The following SMCHD1 variants were observed in gnomAD, a reference collection of about 807,000 sequenced individuals.
SMCHD1 encodes structural maintenance of chromosomes flexible hinge domain containing 1, also known as structural maintenance of chromosomes flexible hinge domain-containing protein 1.
Under a neutral mutation model 254.7 loss-of-function variants are expected in SMCHD1, and 78 were observed. The ratio of observed to expected loss-of-function variants is 0.31; its 90% CI spans 0.26 to 0.37. The LOEUF is 0.37. SMCHD1 is among the 10% of genes least tolerant of loss of function. The pLI is 1.00. For synonymous variants in SMCHD1, 766 were observed against 794.9 expected (o/e 0.96, Z 0.61); for missense variants, 1,840 against 2,408.1 (o/e 0.76, Z 4.94).
intron 5 of SMCHD1, among the ~76,000 whole-genome samples, chr18:2,684,709 G>GTT (rs2074001842): frequency 6.7e-6 from 1 of 149,874 alleles, no homozygotes; most frequent in African/African-American, 2.4e-5. Context: ...CAGTGTGTGT[G>GTT]TGTGTGTGTG....
chr18:2,764,961 A>T (rs2075842944), intron 37 of SMCHD1, among the ~76,000 whole-genome samples: 1 of 152,182 alleles, frequency 6.6e-6, no homozygotes, highest in Non-Finnish European at 1.5e-5. Context: ...TCTTCAGTTT[A>T]TATTCCTGCC....
chr18:2,713,264 T>A (rs2074721000), intron 17 of SMCHD1, among the ~76,000 whole-genome samples: 1 of 152,214 alleles, frequency 6.6e-6, no homozygotes, highest in South Asian at 2.1e-4. Context: ...GGTAATTAAT[T>A]AATATTTGTT....
chr18:2,727,687 C>T (rs942927583), intron 22 of SMCHD1, among the ~76,000 whole-genome samples: 7 of 151,840 alleles, frequency 4.6e-5, no homozygotes, highest in African/African-American at 1.7e-4. Flanking sequence ...GTTTCCTTAC[C>T]TGTAAAATGG....
At chr18:2,676,987 C>T (rs1426093950) in intron 5 of SMCHD1, among the ~76,000 whole-genome samples, 4 of 152,056 alleles carry the variant, frequency 2.6e-5, no homozygotes, top group African/African-American at 4.8e-5. Context: ...TTGTCATGTT[C>T]GATCTCCTTC....
intron 39 of SMCHD1, among the ~76,000 whole-genome samples, chr18:2,770,914 A>C (rs531399666): frequency 1.3e-5 from 2 of 152,064 alleles, no homozygotes; most frequent in Non-Finnish European, 2.9e-5. Flanking sequence ...TAGCCACCAC[A>C]CCCAGCCTAC....
Position 2,667,173 on chromosome 18 carries a change from A to G in SMCHD1, c.424+142A>G, listed in dbSNP as rs543715571. 50 of 674,318 alleles carry G rather than the reference A, an allele frequency of 7.4e-5. No individual in the cohort carries two copies. The African/African-American group carries it at 8.9e-4, about 12-fold the overall frequency. 41.8% of individuals were successfully genotyped at this position (674,318 alleles called of 1,614,324 possible). A position where few individuals can be genotyped will look rare whatever the true frequency, so the allele number is the denominator to read the frequency against. On this transcript the variant is annotated intron_variant, in intron 3 of 47. Coordinates refer to ENST00000320876, the MANE Select transcript of SMCHD1 (RefSeq NM_015295.3). ...CTCATTTTCTTTCTTACTCAAATTCATCACGGTATTATTATGTCTTCTACC... is the reference window on the plus strand; with the variant it reads ...CTCATTTTCTTTCTTACTCAAATTCGTCACGGTATTATTATGTCTTCTACC...
intron 7 of SMCHD1, among the ~76,000 whole-genome samples, chr18:2,690,506 C>G (rs562280617): frequency 2.0e-5 from 3 of 152,060 alleles, no homozygotes; most frequent in Non-Finnish European, 4.4e-5. Context: ...GAGTCTCACT[C>G]TCTTGCCCAG....
chr18:2,796,056 C>A lies in SMCHD1; in HGVS notation c.5827C>A (p.Gln1943Lys). 1 of 1,581,732 alleles carries A rather than the reference C, an allele frequency of 6.3e-7. No homozygotes were observed. Among genetic ancestry groups the A allele is most frequent in the African/African-American group, 1.3e-5 (1 of 74,422 alleles). ...LRTPDMRKKK[Q>K]ELDEHEKNLK... Reference sequence around the variant, plus strand: ...CACTCCGGATATGAGGAAGAAAAAGCAAGAACTTGATGAACATGAGAAAAA... The same window carrying A: ...CACTCCGGATATGAGGAAGAAAAAGAAAGAACTTGATGAACATGAGAAAAA... The change falls in exon 46 of 48, where the codon CAA becomes AAA. Residue 1943 changes from glutamine to lysine, a missense_variant. Physicochemically the swap from Gln to Lys is moderately conservative, Grantham distance 53. This residue lies in a region of SMCHD1 where 132 missense variants were observed against 138.2 expected (regional missense o/e 0.95). Transcript: ENST00000320876.
chr18:2,688,828 A>C, intron 7 of SMCHD1, 81 bp downstream of exon 7: 2 of 887,468 alleles, frequency 2.3e-6, no homozygotes, highest in East Asian at 2.9e-5. Flanking sequence ...AAAGTATGAA[A>C]TTTTCAAAAT....
chr18:2,754,816 G>C (rs897124130), intron 34 of SMCHD1, among the ~76,000 whole-genome samples: 2 of 141,246 alleles, frequency 1.4e-5, no homozygotes, highest in East Asian at 2.2e-4. Context: ...ACAGTTATAC[G>C]TGGAATTGAT....
chr18:2,697,233 T>G (rs2074303668), intron 9 of SMCHD1, 111 bp downstream of exon 9: 1 of 527,650 alleles, frequency 1.9e-6, no homozygotes, highest in African/African-American at 2.0e-5. Context: ...TCTCTCTCCT[T>G]GTTTTTTACC....
Position 2,802,877 on chromosome 18 carries a change from GA to G in SMCHD1, c.*329del. 1 of 250,486 alleles carries G rather than the reference GA, an allele frequency of 4.0e-6. No individual in the cohort carries two copies. The highest frequency in any genetic ancestry group is 7.5e-6 in the Non-Finnish European group (1 of 132,520). 15.5% of individuals were successfully genotyped at this position (250,486 alleles called of 1,614,324 possible). ...GCACATGGCATTTATTAATCCTGAA[GA>G]AAAGTACATGTACTATTTTTCAGTA... On this transcript the variant is annotated 3_prime_UTR_variant, in exon 48 of 48. Transcript: ENST00000320876.
At chr18:2,732,230 T>C (rs2075155303) in intron 24 of SMCHD1, 35 bp from the exon 25 acceptor site, 1 of 1,529,098 alleles carries the variant, frequency 6.5e-7, no homozygotes, top group African/African-American at 1.4e-5. Flanking sequence ...TCAGTACAGA[T>C]ATCACTCAGT....
chr18:2,748,342 T>TGTGTG (rs2075498296), intron 30 of SMCHD1, among the ~76,000 whole-genome samples: 3 of 78,462 alleles, frequency 3.8e-5, no homozygotes, highest in African/African-American at 5.6e-5. Flanking sequence ...CTTTGCAAAG[T>TGTGTG]TGTGTGTGTG....
intron 5 of SMCHD1, among the ~76,000 whole-genome samples, chr18:2,677,885 C>G (rs2073790674): frequency 6.6e-6 from 1 of 152,108 alleles, no homozygotes; most frequent in Non-Finnish European, 1.5e-5. Context: ...TCCCAAAGTG[C>G]TGGGATTACA....
intron 42 of SMCHD1, 84 bp downstream of exon 42, chr18:2,776,008 T>A: frequency 8.5e-7 from 1 of 1,176,364 alleles, no homozygotes; most frequent in Non-Finnish European, 1.2e-6. Context: ...ATGATTTCTC[T>A]AAAAGATACC....
At chr18:2,712,683 A>G (rs141595322) in intron 17 of SMCHD1, among the ~76,000 whole-genome samples, 12 of 152,318 alleles carry the variant, frequency 7.9e-5, no homozygotes, top group African/African-American at 2.9e-4. Flanking sequence ...AGTCCGAGTC[A>G]TCATGGTCTC....
rs187736533 is a variant in SMCHD1, at chr18:2,732,172, G to C, written c.3049-93G>C. On this transcript the variant is annotated intron_variant, in intron 24 of 47. Coordinates refer to ENST00000320876, the MANE Select transcript of SMCHD1 (RefSeq NM_015295.3). ...AACCTGTGAGTATAACAATGTATGAGATGGTCTTCCATAATATTGAAAGTA... is the reference window on the plus strand; with the variant it reads ...AACCTGTGAGTATAACAATGTATGACATGGTCTTCCATAATATTGAAAGTA... 4 of 888,122 alleles carry C rather than the reference G, an allele frequency of 4.5e-6. No homozygotes were observed. The Admixed American group carries it at 9.5e-5, about 21-fold the overall frequency. 55.0% of individuals were successfully genotyped at this position (888,122 alleles called of 1,614,324 possible).
chr18:2,726,799 A>G lies in SMCHD1; in HGVS notation c.2773+275A>G, dbSNP rs114237672. 1.3e-3 allele frequency: 248 copies of G among 185,194 alleles called. 1 individual carries two copies. The highest frequency in any genetic ancestry group is 5.7e-3 in the African/African-American group (240 of 42,396). The allele number at this position is 185,194 out of a possible 1,614,324, so 11.5% of individuals were successfully genotyped here. On this transcript the variant is annotated intron_variant, in intron 22 of 47. Transcript: ENST00000320876. ...TCTTGGAATATGTCTATTAGGCTTT[A>G]TTAGAGATGGGTCTGTTCTTTACAT...
Sources: allele counts gnomAD v4.1 joint callset (sites outside exome capture counted in the v4.1 genomes callset), GRCh38; gene constraint gnomAD v4.1.1; regional missense constraint gnomAD v4.1.1; transcripts MANE v1.5; gene names NCBI Gene and HGNC (gene_info 2026-07-23, HGNC 2026-07-21).